The following USP8 variants were observed in gnomAD, a reference collection of about 807,000 sequenced individuals.
USP8 encodes the protein ubiquitin specific peptidase 8, also known as ubiquitin carboxyl-terminal hydrolase 8.
A neutral mutation model predicts 130.0 loss-of-function variants in USP8; 27 were observed. The ratio of observed to expected loss-of-function variants is 0.21; its 90% CI spans 0.15 to 0.29. The LOEUF (loss-of-function observed/expected upper bound fraction) is 0.29. Ranked by LOEUF, USP8 falls within the 10% of genes least tolerant of loss-of-function variation. The pLI is 1.00. For synonymous variants in USP8, 392 were observed against 444.1 expected (o/e 0.88, Z 1.48); for missense variants, 1,029 against 1,312.2 (o/e 0.78, Z 3.33).
rs181396592 is a variant in USP8 at position 50,511,487 on chromosome 15, A to G, written c.*12399A>G. On this transcript the variant is annotated 3_prime_UTR_variant, in exon 20 of 20. Coordinates refer to ENST00000307179, the MANE Select transcript of USP8 (RefSeq NM_005154.5). Reference sequence around the variant, plus strand: ...CCTGTACATAAATGTTCATAGCAGCATTACTGATGACAGCCAAAAGTGGAA... The same window carrying G: ...CCTGTACATAAATGTTCATAGCAGCGTTACTGATGACAGCCAAAAGTGGAA... 1 of 152,350 alleles carries G rather than the reference A, an allele frequency of 6.6e-6. No homozygotes were observed. Among genetic ancestry groups the G allele is most frequent in the Non-Finnish European group, 1.5e-5 (1 of 68,046 alleles). 9.4% of individuals were successfully genotyped at this position (152,350 alleles called of 1,614,324 possible). A position where few individuals can be genotyped will look rare whatever the true frequency, so the allele number is the denominator to read the frequency against.
chr15:50,426,660 G>T (rs1007124116), intron 1 of USP8, among the ~76,000 whole-genome samples: 7 of 152,172 alleles, frequency 4.6e-5, no homozygotes, highest in Non-Finnish European at 7.3e-5. Flanking sequence ...GACTTGAACA[G>T]TATGGCGGCT....
intron 12 of USP8, 84 bp downstream of exon 12, chr15:50,484,445 C>G: frequency 1.8e-6 from 2 of 1,095,164 alleles, no homozygotes; most frequent in Non-Finnish European, 2.7e-6. Flanking sequence ...ACACTGCTAT[C>G]TTTTATCATG....
At chr15:50,443,392 A>G (rs929131067) in intron 3 of USP8, among the ~76,000 whole-genome samples, 2 of 152,072 alleles carry the variant, frequency 1.3e-5, no homozygotes, top group Non-Finnish European at 2.9e-5. Context: ...TTGTTAAGGA[A>G]TGACTTTAAT....
At chr15:50,489,754 A>G in intron 12 of USP8, 47 bp from the exon 13 acceptor site, 1 of 1,289,752 alleles carries the variant, frequency 7.8e-7, no homozygotes, top group Non-Finnish European at 1.0e-6. Flanking sequence ...GAAAAATCAG[A>G]TTTAAAAAAA....
intron 3 of USP8, among the ~76,000 whole-genome samples, chr15:50,445,494 C>A (rs1489915261): frequency 1.6e-5 from 2 of 126,648 alleles, no homozygotes; most frequent in Non-Finnish European, 3.2e-5. Context: ...TGCAGTGAGC[C>A]GAGATCGCAC....
chr15:50,482,213 A>C (rs1483247432), intron 11 of USP8, 148 bp downstream of exon 11: 1 of 673,760 alleles, frequency 1.5e-6, no homozygotes, highest in African/African-American at 1.9e-5. Flanking sequence ...ACATTTGCTC[A>C]TCTATTCTCC....
At chr15:50,495,699 T>C (rs1189731109) in intron 16 of USP8, 149 bp from the exon 17 acceptor site, 1 of 596,826 alleles carries the variant, frequency 1.7e-6, no homozygotes, top group African/African-American at 1.9e-5. Context: ...GCTAGAATTA[T>C]TTTTTGCCAC....
At chr15:50,455,504 T>G (rs2050762898) in intron 4 of USP8, among the ~76,000 whole-genome samples, 1 of 152,256 alleles carries the variant, frequency 6.6e-6, no homozygotes, top group Admixed American at 6.5e-5. Context: ...TAACAGCTGC[T>G]CTAAAATCTT....
chr15:50,482,222 C>G (rs1357598349), intron 11 of USP8, among the ~76,000 whole-genome samples, 157 bp downstream of exon 11: 1 of 152,210 alleles, frequency 6.6e-6, no homozygotes, highest in Non-Finnish European at 1.5e-5. Context: ...CATCTATTCT[C>G]CTTTGAGGCC....
chr15:50,485,432 AGAGT>A (rs1296826892), intron 12 of USP8, among the ~76,000 whole-genome samples: 1 of 148,742 alleles, frequency 6.7e-6, no homozygotes, highest in Non-Finnish European at 1.5e-5. Context: ...CCTGGGCAAC[AGAGT>A]GAGACTCCAT....
chr15:50,440,905 G>A (rs2141255968), intron 2 of USP8, among the ~76,000 whole-genome samples: 1 of 152,078 alleles, frequency 6.6e-6, no homozygotes, highest in East Asian at 1.9e-4. Flanking sequence ...GGGAGGCTGA[G>A]GCAGGAGAAT....
intron 5 of USP8, among the ~76,000 whole-genome samples, chr15:50,461,744 T>C (rs1160495335): frequency 6.6e-6 from 1 of 151,730 alleles, no homozygotes; most frequent in African/African-American, 2.4e-5. Context: ...TCCCAGCTAC[T>C]CAGGAGGCTG....
chr15:50,500,766 A>G lies in USP8; in HGVS notation c.*1678A>G, dbSNP rs779908375. 73 of 1,584,774 alleles carry G rather than the reference A, an allele frequency of 4.6e-5. No individual in the cohort carries two copies. The highest frequency in any genetic ancestry group is 6.1e-5 in the Non-Finnish European group (71 of 1,164,652). On this transcript the variant is annotated 3_prime_UTR_variant, in exon 20 of 20. Transcript: ENST00000307179. Reference sequence around the variant, plus strand: ...CACTGACTCGTGTGTTATCAAAGCTATATCAGGCCTGGGTGACTGAATTCT... The same window carrying G: ...CACTGACTCGTGTGTTATCAAAGCTGTATCAGGCCTGGGTGACTGAATTCT...
intron 16 of USP8, 129 bp downstream of exon 16, chr15:50,494,409 A>G (rs900480367): frequency 8.2e-6 from 6 of 729,192 alleles, no homozygotes; most frequent in African/African-American, 1.8e-5. Context: ...GTGACTGTAT[A>G]AGAGAATTAT....
In USP8 at chr15:50,512,793, A is replaced by G. The variant is rs1016343929; in HGVS notation, c.*13705A>G. 2.0e-5 allele frequency: 3 copies of G among 151,994 alleles called. No homozygotes were observed. The highest frequency in any genetic ancestry group is 7.2e-5 in the African/African-American group (3 of 41,434). 9.4% of individuals were successfully genotyped at this position (151,994 alleles called of 1,614,324 possible). A position where few individuals can be genotyped will look rare whatever the true frequency, so the allele number is the denominator to read the frequency against. ...GGCGACAGAGCCAGACTCTGTCTCA[A>G]AAACAAACAAAACAAAAACAACAAA... On this transcript the variant is annotated 3_prime_UTR_variant, in exon 20 of 20. Transcript: ENST00000307179.
At position 50,500,831 on chromosome 15, in the gene USP8, A is replaced by C; in HGVS notation, c.*1743A>C. ...TAGTGGCCACCATCCAAATCACCAA[A>C]ATGGTTCTATGGGAGAAAGGAATGT... On this transcript the variant is annotated 3_prime_UTR_variant, in exon 20 of 20. Coordinates refer to ENST00000307179, the MANE Select transcript of USP8 (RefSeq NM_005154.5). 6.3e-7 allele frequency: 1 copy of C among 1,580,158 alleles called. No individual in the cohort carries two copies.
At chr15:50,496,480 T>TA (rs35899607) in intron 17 of USP8, among the ~76,000 whole-genome samples, 1,954 of 116,446 alleles carry the variant, frequency 0.017, 37 homozygotes, top group African/African-American at 0.054. Flanking sequence ...GACTCCGTCT[T>TA]AAAAAAAAAA....
intron 4 of USP8, among the ~76,000 whole-genome samples, chr15:50,456,647 A>T (rs1225931458): frequency 1.3e-5 from 2 of 151,942 alleles, no homozygotes; most frequent in African/African-American, 2.4e-5. Context: ...GCACTTTGGG[A>T]GGCCGACGAG....
chr15:50,453,003 T>C (rs2050673516), intron 4 of USP8, among the ~76,000 whole-genome samples: 1 of 152,216 alleles, frequency 6.6e-6, no homozygotes, highest in Non-Finnish European at 1.5e-5. Flanking sequence ...GAAATGATGC[T>C]AGCATATGAG....
Sources: gnomAD v4.1 joint callset for allele counts (sites outside exome capture counted in the v4.1 genomes callset) on GRCh38, gnomAD v4.1.1 for gene constraint, MANE v1.5 for transcripts, NCBI Gene and HGNC (gene_info 2026-07-23, HGNC 2026-07-21) for gene names.